SNTG2: variants seen among roughly 807,000 people sequenced by gnomAD.
SNTG2 encodes gamma-2-syntrophin.
A neutral mutation model predicts 70.9 loss-of-function variants in SNTG2; 74 were observed. The observed-to-expected ratio is 1.04, with a 90% CI of 0.86 to 1.27. SNTG2 has a LOEUF of 1.27. Ranked by LOEUF, SNTG2 falls within the 50% of genes most tolerant of loss-of-function variation. SNTG2 has a pLI of 0.00. For missense variants in SNTG2, 717 were observed against 690.7 expected (o/e 1.04, Z -0.43); for synonymous variants, 278 against 273.8 (o/e 1.02, Z -0.15).
intron 16 of SNTG2, among the ~76,000 whole-genome samples, chr2:1,327,359 G>C (rs561637812): frequency 6.6e-6 from 1 of 152,152 alleles, no homozygotes; most frequent in East Asian, 1.9e-4. Flanking sequence ...AATAATTGCT[G>C]TCTTAGTATT....
chr2:1,285,329 TC>T (rs1679722887), intron 14 of SNTG2, among the ~76,000 whole-genome samples: 1 of 152,116 alleles, frequency 6.6e-6, no homozygotes, highest in African/African-American at 2.4e-5. Flanking sequence ...CATCCTTCAA[TC>T]CAATCAAGTT....
chr2:1,109,706 T>A (rs572360687), intron 4 of SNTG2, among the ~76,000 whole-genome samples: 26 of 152,334 alleles, frequency 1.7e-4, no homozygotes, highest in Non-Finnish European at 3.2e-4. Context: ...CACAGTTTAA[T>A]TCCACTTAAA....
chr2:1,149,935 G>A (rs779903020), intron 6 of SNTG2, among the ~76,000 whole-genome samples: 16 of 151,996 alleles, frequency 1.1e-4, no homozygotes, highest in African/African-American at 3.6e-4. Flanking sequence ...TGATCCACCC[G>A]CCTCGGCCTC....
chr2:1,280,931 T>C (rs1252651320), intron 14 of SNTG2, among the ~76,000 whole-genome samples: 2 of 152,264 alleles, frequency 1.3e-5, no homozygotes, highest in African/African-American at 4.8e-5. Context: ...AGTTATATGC[T>C]GCTGCTGTGC....
At chr2:1,176,014 G>T (rs1671451090) in intron 8 of SNTG2, among the ~76,000 whole-genome samples, 4 of 152,308 alleles carry the variant, frequency 2.6e-5, no homozygotes, top group Admixed American at 1.3e-4. Context: ...CTCATGTCAA[G>T]GAGTAATTGT....
chr2:1,341,921 C>T (rs1285231343), intron 16 of SNTG2, among the ~76,000 whole-genome samples: 1 of 150,792 alleles, frequency 6.6e-6, no homozygotes, highest in South Asian at 2.1e-4. Flanking sequence ...TCATAGCTCA[C>T]TGCAGGCTCA....
intron 11 of SNTG2, among the ~76,000 whole-genome samples, chr2:1,243,957 C>T (rs554525132): frequency 1.3e-5 from 2 of 152,188 alleles, no homozygotes; most frequent in African/African-American, 2.4e-5. Flanking sequence ...ACCCTGGAGG[C>T]GGAGGTTGCA....
chr2:1,251,755 C>T (rs1230974135), intron 12 of SNTG2, among the ~76,000 whole-genome samples: 1 of 151,002 alleles, frequency 6.6e-6, no homozygotes, highest in Non-Finnish European at 1.5e-5. Flanking sequence ...ACACCACACA[C>T]ACACTACACG....
At chr2:1,217,061 C>G (rs955907008) in intron 9 of SNTG2, among the ~76,000 whole-genome samples, 3 of 151,814 alleles carry the variant, frequency 2.0e-5, no homozygotes, top group African/African-American at 7.3e-5. Context: ...ACCCTTGGGT[C>G]TTTTCTTTTG....
rs906539878 is a variant in SNTG2, at chr2:1,179,716, C to T, written c.591+6533C>T. On this transcript the variant is annotated intron_variant, in intron 8 of 16. Coordinates refer to ENST00000308624, the MANE Select transcript of SNTG2 (RefSeq NM_018968.4). Reference sequence around the variant, plus strand: ...TTCTTCACAGAATTGGAAAAAACTACTTTAAAGTTCATATGGAACCAAAAA... The same window carrying T: ...TTCTTCACAGAATTGGAAAAAACTATTTTAAAGTTCATATGGAACCAAAAA... Among the ~76,000 whole-genome samples the T allele has an allele frequency of 2.9e-4, 44 of 151,526 alleles. 1 individual carries two copies. The highest frequency in any genetic ancestry group is 1.1e-3 in the African/African-American group (44 of 41,340).
intron 2 of SNTG2, among the ~76,000 whole-genome samples, chr2:1,089,883 C>G (rs1265371030): frequency 6.6e-6 from 1 of 152,118 alleles, no homozygotes; most frequent in Non-Finnish European, 1.5e-5. Flanking sequence ...TTATTATATG[C>G]CAACATAGCA....
At chr2:1,253,571 AAAAGGT>A (rs2148147013) in intron 12 of SNTG2, among the ~76,000 whole-genome samples, 1 of 152,350 alleles carries the variant, frequency 6.6e-6, no homozygotes, top group East Asian at 1.9e-4. Context: ...AGGAAAAACT[AAAAGGT>A]AAAGTCCTTC....
intron 6 of SNTG2, among the ~76,000 whole-genome samples, chr2:1,142,883 C>T (rs1042402433): frequency 1.3e-5 from 2 of 152,200 alleles, no homozygotes; most frequent in African/African-American, 2.4e-5. Context: ...TTGTCATGAC[C>T]ATTGCATTGC....
chr2:1,224,922 GT>G lies in SNTG2; in HGVS notation c.720-12963del, dbSNP rs1464560741. ...GAACCCCTCCAGCAGGTGCAGTTGT[GT>G]TTAACACCTAAACAAATATATAGGA... On this transcript the variant is annotated intron_variant, in intron 9 of 16. Transcript: ENST00000308624. Among the ~76,000 whole-genome samples the G allele has an allele frequency of 9.8e-5, 15 of 152,354 alleles. No individual in the cohort carries two copies. In the East Asian group the frequency reaches 1.9e-3, roughly 20 times the overall value.
At chr2:1,206,845 T>C (rs1398134136) in intron 8 of SNTG2, among the ~76,000 whole-genome samples, 1 of 152,234 alleles carries the variant, frequency 6.6e-6, no homozygotes, top group Non-Finnish European at 1.5e-5. Context: ...ATTTAAATAT[T>C]GTGCATTGTA....
intron 4 of SNTG2, 101 bp from the exon 5 acceptor site, chr2:1,137,521 G>A: frequency 1.8e-6 from 2 of 1,113,570 alleles, no homozygotes; most frequent in Non-Finnish European, 2.6e-6. Context: ...CACACACGTG[G>A]CCACTTCAGC....
chr2:1,257,076 A>G (rs1678162391), intron 12 of SNTG2, among the ~76,000 whole-genome samples: 1 of 151,834 alleles, frequency 6.6e-6, no homozygotes, highest in East Asian at 1.9e-4. Flanking sequence ...CCCTGTTCCT[A>G]ACACTTGCAT....
At chr2:1,184,178 A>G (rs66486466) in intron 8 of SNTG2, among the ~76,000 whole-genome samples, 28,340 of 152,060 alleles carry the variant, frequency 0.19, 2,764 homozygotes, top group African/African-American at 0.24. Flanking sequence ...AGAATTGTAC[A>G]TTAATCCAGG....
chr2:1,318,770 G>A (rs1477649633), intron 16 of SNTG2, among the ~76,000 whole-genome samples: 1 of 151,806 alleles, frequency 6.6e-6, no homozygotes, highest in African/African-American at 2.4e-5. Flanking sequence ...TGCCTTGGGC[G>A]CCATCACCGG....
Sources: allele counts gnomAD v4.1 joint callset (sites outside exome capture counted in the v4.1 genomes callset), GRCh38; gene constraint gnomAD v4.1.1; transcripts MANE v1.5; gene names NCBI Gene and HGNC (gene_info 2026-07-23, HGNC 2026-07-21).